Variants in ITPRID1 observed in about 807,000 individuals in gnomAD.
ITPRID1 encodes protein ITPRID1.
A neutral mutation model predicts 95.4 loss-of-function variants in ITPRID1; 96 were observed. The observed-to-expected ratio is 1.01, with a 90% CI of 0.85 to 1.19. ITPRID1 has a LOEUF of 1.19. Ranked by LOEUF, ITPRID1 falls within the 50% of genes most tolerant of loss-of-function variation. The pLI is 0.00. For missense variants in ITPRID1, 1,339 were observed against 1,252.9 expected, an observed-to-expected ratio of 1.07 and a Z score of -1.04; for synonymous variants, 510 against 453.6, an observed-to-expected ratio of 1.12 and a Z score of -1.58.
intron 2 of ITPRID1, 66 bp downstream of exon 2, chr7:31,549,565 C>G (rs1176504761): frequency 1.6e-5 from 19 of 1,170,830 alleles, no homozygotes; most frequent in Non-Finnish European, 2.0e-5. Context: ...TTATTTCATA[C>G]TCATTATAGA....
chr7:31,616,759 AGAAAAGACAAAACCAAAAAG>A (rs1787274964), intron 10 of ITPRID1, among the ~76,000 whole-genome samples: 1 of 151,992 alleles, frequency 6.6e-6, no homozygotes, highest in South Asian at 2.1e-4. Context: ...GAATGAGACA[AGAAAAGACAAAACCAAAAAG>A]GTTTCTAAAT....
At chr7:31,615,453 C>CAGTT (rs772079988) in intron 10 of ITPRID1, among the ~76,000 whole-genome samples, 18 of 152,190 alleles carry the variant, frequency 1.2e-4, no homozygotes, top group Admixed American at 9.2e-4. Flanking sequence ...CAGTAAATGG[C>CAGTT]AGTTAGTTAT....
chr7:31,546,251 A>G (rs999062674), intron 1 of ITPRID1, among the ~76,000 whole-genome samples: 3 of 152,250 alleles, frequency 2.0e-5, no homozygotes, highest in African/African-American at 7.2e-5. Context: ...GCAATGGATT[A>G]AGATTTTTCA....
chr7:31,571,409 A>G (rs1338780270), intron 6 of ITPRID1, among the ~76,000 whole-genome samples: 1 of 152,214 alleles, frequency 6.6e-6, no homozygotes, highest in Non-Finnish European at 1.5e-5. Context: ...TGATATCTGC[A>G]TTGTATTTTT....
chr7:31,583,346 C>T lies in ITPRID1; in HGVS notation c.1228+155C>T, dbSNP rs550195793. ...GAGATATTAAAAGCCTACTGGCAGG[C>T]CGGGTGCGGTGGCTCATGCCTGTAA... On this transcript the variant is annotated intron_variant, in intron 10 of 14. Transcript: ENST00000615280. 4.6e-5 allele frequency among the ~76,000 whole-genome samples: 7 copies of T among 152,272 alleles called. No individual in the cohort carries two copies. The East Asian group carries it at 9.7e-4, about 21-fold the overall frequency.
chr7:31,544,538 C>T (rs1784034646), intron 1 of ITPRID1, among the ~76,000 whole-genome samples: 2 of 152,148 alleles, frequency 1.3e-5, no homozygotes, highest in Non-Finnish European at 2.9e-5. Flanking sequence ...AAGGATTCCT[C>T]TTCCAAGAAG....
rs188392373 is a variant in ITPRID1, at chr7:31,615,878, C to T, written c.1229-26298C>T. The stretch of plus-strand genomic sequence containing the variant: ...ACGCCAATCTCCTGCCTCAGCCTCC[C>T]GAGTACCTGGGACTACAGGGGCCTG... On this transcript the variant is annotated intron_variant, in intron 10 of 14. Transcript: ENST00000615280. Among the ~76,000 whole-genome samples the T allele has an allele frequency of 4.8e-3, 731 of 151,964 alleles. 4 individuals are homozygous for T. Among genetic ancestry groups the T allele is most frequent in the African/African-American group, 0.017 (700 of 41,416 alleles).
At chr7:31,566,283 G>C (rs1784797349) in intron 5 of ITPRID1, among the ~76,000 whole-genome samples, 1 of 152,188 alleles carries the variant, frequency 6.6e-6, no homozygotes. Flanking sequence ...TTTCCTCTCT[G>C]ACAGTTCGTG....
chr7:31,625,744 C>T (rs1421590460), intron 10 of ITPRID1, among the ~76,000 whole-genome samples: 1 of 151,568 alleles, frequency 6.6e-6, no homozygotes, highest in East Asian at 1.9e-4. Flanking sequence ...GCACATTGTG[C>T]ACATGTACCC....
intron 1 of ITPRID1, among the ~76,000 whole-genome samples, chr7:31,525,533 C>A (rs925076085): frequency 6.6e-6 from 1 of 152,104 alleles, no homozygotes; most frequent in Non-Finnish European, 1.5e-5. Flanking sequence ...CAGGCATAAG[C>A]AAAATGAGGG....
At chr7:31,533,116 T>C (rs1298942620) in intron 1 of ITPRID1, among the ~76,000 whole-genome samples, 1 of 152,198 alleles carries the variant, frequency 6.6e-6, no homozygotes, top group East Asian at 1.9e-4. Context: ...GTAAAATTCT[T>C]CAGTAAAGAC....
intron 10 of ITPRID1, among the ~76,000 whole-genome samples, chr7:31,639,831 C>T (rs1468313203): frequency 1.3e-5 from 2 of 152,092 alleles, no homozygotes; most frequent in African/African-American, 4.8e-5. Flanking sequence ...CCACTGTACC[C>T]AGGATATAGT....
intron 10 of ITPRID1, among the ~76,000 whole-genome samples, chr7:31,594,333 G>A (rs1196887311): frequency 6.6e-6 from 1 of 152,156 alleles, no homozygotes; most frequent in East Asian, 1.9e-4. Flanking sequence ...TAGATGTTAA[G>A]TAACAGATGG....
intron 10 of ITPRID1, among the ~76,000 whole-genome samples, chr7:31,608,392 A>G (rs930075609): frequency 3.3e-5 from 5 of 151,946 alleles, no homozygotes; most frequent in African/African-American, 1.2e-4. Context: ...CAATTTCCAT[A>G]TAAAAAGGTA....
chr7:31,599,694 T>TCTCTCTCTCTCTCTC (rs1562599189), intron 10 of ITPRID1, among the ~76,000 whole-genome samples: 2 of 95,958 alleles, frequency 2.1e-5, no homozygotes, highest in African/African-American at 8.9e-5. Flanking sequence ...CTCTCTCTCT[T>TCTCTCTCTCTCTCTC]TCTTTCTTTC....
rs772932836 is a variant in ITPRID1, at chr7:31,574,699, A to C, written c.555A>C (p.Glu185Asp). 2.5e-6 allele frequency: 4 copies of C among 1,613,716 alleles called. No homozygotes were observed. In the African/African-American group the frequency reaches 4.0e-5, roughly 16 times the overall value. The change falls in exon 8 of 15, where the codon GAA (glutamate) becomes GAC (aspartate). Residue 185 changes from glutamate (E) to aspartate (D), a missense_variant. By Grantham distance (45) the Glu-to-Asp change is conservative. Coordinates refer to ENST00000615280, the MANE Select transcript of ITPRID1 (RefSeq NM_001257967.3). The stretch of plus-strand genomic sequence containing the variant: ...GAATCAACATCCGTGTTTTTCTTGA[A>C]GCTCAAAAGCAGCGAATGGACATTG... ...ARGINIRVFL[E>D]AQKQRMDIEN...
intron 1 of ITPRID1, 105 bp from the exon 2 acceptor site, chr7:31,549,321 A>G: frequency 1.5e-6 from 1 of 680,074 alleles, no homozygotes; most frequent in Non-Finnish European, 2.2e-6. Context: ...CATCCAAACT[A>G]AGTAATTTCA....
intron 10 of ITPRID1, among the ~76,000 whole-genome samples, chr7:31,594,770 T>C (rs1167302230): frequency 2.0e-5 from 3 of 151,872 alleles, no homozygotes; most frequent in Non-Finnish European, 4.4e-5. Flanking sequence ...GGCAGAAGAA[T>C]CGCTCGAACT....
chr7:31,651,892 C>G, intron 13 of ITPRID1, 47 bp from the exon 14 acceptor site: 1 of 1,368,474 alleles, frequency 7.3e-7, no homozygotes, highest in Non-Finnish European at 1.0e-6. Context: ...AAGATTGCAC[C>G]TGGGAAGGAT....
Sources: allele counts gnomAD v4.1 joint callset (sites outside exome capture counted in the v4.1 genomes callset), GRCh38; gene constraint gnomAD v4.1.1; transcripts MANE v1.5; gene names NCBI Gene and HGNC (gene_info 2026-07-23, HGNC 2026-07-21).